The following MFSD12 variants were observed in gnomAD, a reference collection of about 807,000 sequenced individuals.
MFSD12 encodes major facilitator superfamily domain containing 12, also known as major facilitator superfamily domain-containing protein 12.
Under a neutral mutation model 51.2 loss-of-function variants are expected in MFSD12, and 67 were observed. That is an observed-to-expected ratio of 1.31 (90% CI 1.08 to 1.60). The LOEUF (loss-of-function observed/expected upper bound fraction) is 1.60, where lower values mean the gene tolerates loss of function less well. Ranked by LOEUF, MFSD12 falls within the 40% of genes most tolerant of loss-of-function variation. The probability of loss-of-function intolerance (pLI) is 0.00; values close to 1 mark genes in which losing one functional copy is unlikely to be tolerated. For missense variants in MFSD12, 921 were observed against 673.0 expected, an observed-to-expected ratio of 1.37 and a Z score of -4.08; for synonymous variants, 441 against 316.7, an observed-to-expected ratio of 1.39 and a Z score of -4.17.
downstream of MFSD12, chr19:3,543,385 C>T: frequency 6.5e-7 from 1 of 1,549,338 alleles, no homozygotes; most frequent in South Asian, 1.2e-5. Flanking sequence ...CCTGGTACAA[C>T]CTGCCACGGG....
rs2031170051 is a variant in MFSD12 at position 3,547,492 on chromosome 19, A to G, written c.893T>C (p.Met298Thr). ...RLIVNLSQTY[M>T]AMYLTYSLHL... ...GAGCGAGTAGGTGAGGTACATGGCC[A>G]TGTAGGTCTGGGACAGGTTCACGAT... Residue 298 changes from methionine to threonine, a missense_variant, in exon 5 of 10, where the codon ATG becomes ACG. Coordinates refer to ENST00000355415, the MANE Select transcript of MFSD12 (RefSeq NM_174983.5). 2 of 1,613,024 alleles carry G rather than the reference A, an allele frequency of 1.2e-6. No individual in the cohort carries two copies. Among genetic ancestry groups the G allele is most frequent in the Admixed American group, 1.7e-5 (1 of 59,974 alleles).
intron 1 of MFSD12, among the ~76,000 whole-genome samples, chr19:3,556,555 ACAGT>A (rs2031732264): frequency 6.7e-6 from 1 of 150,254 alleles, no homozygotes; most frequent in Non-Finnish European, 1.5e-5. Flanking sequence ...GAGGCACTGC[ACAGT>A]CAGACAGATG....
chr19:3,542,090 A>T (rs1334528316), downstream of MFSD12: 2 of 983,052 alleles, frequency 2.0e-6, no homozygotes, highest in Non-Finnish European at 2.4e-6. Context: ...GATTACAGGC[A>T]TGAGCCACTG....
At chr19:3,548,343 CAGAG>C (rs775935012) in intron 2 of MFSD12, 76 bp from the exon 3 acceptor site, 38 of 1,522,348 alleles carry the variant, frequency 2.5e-5, no homozygotes, top group African/African-American at 2.1e-4. Context: ...GCTACGCCGT[CAGAG>C]AGGCCTGGGG....
downstream of MFSD12, chr19:3,543,244 C>G: frequency 6.5e-7 from 1 of 1,544,648 alleles, no homozygotes; most frequent in Non-Finnish European, 8.7e-7. Flanking sequence ...GCGATGACTA[C>G]CTGTCCCTGG....
At chr19:3,546,893 G>A (rs2031105630) in intron 6 of MFSD12, among the ~76,000 whole-genome samples, 1 of 152,070 alleles carries the variant, frequency 6.6e-6, no homozygotes, top group Admixed American at 6.6e-5. Context: ...GAGTGCAGTG[G>A]TGTGATCTCA....
rs375703395 is a variant in MFSD12, at chr19:3,544,851, A to C, written c.1378T>G (p.Cys460Gly). 2.8e-4 allele frequency: 447 copies of C among 1,612,276 alleles called. 3 individuals carry two copies. The South Asian group carries it at 3.6e-3, about 13-fold the overall frequency. ...TGGVGVAAAL[C>G]LCSLLLWPTR... ...GGCCACAGCAGGAGGCTACAGAGAC[A>C]CAGGGCAGCGGCCACGCCCACGCCG... is the stretch of plus-strand genomic sequence containing the variant. The change falls in exon 9 of 10, where the codon TGT becomes GGT. Residue 460 changes from cysteine (C) to glycine (G), a missense_variant. Coordinates refer to ENST00000355415, the MANE Select transcript of MFSD12 (RefSeq NM_174983.5).
intron 1 of MFSD12, among the ~76,000 whole-genome samples, chr19:3,553,983 G>A (rs1316312541): frequency 6.6e-6 from 1 of 152,044 alleles, no homozygotes; most frequent in Non-Finnish European, 1.5e-5. Context: ...TCGGGAGGCT[G>A]AGGCAGGAGA....
In MFSD12 at chr19:3,544,692, G is replaced by A. The variant is rs1053964334; in HGVS notation, c.*18C>T. ...GTCCCCACAGTTCCCTTGCACAGGT[G>A]CAGGAGGCTGTCAGGAGTCAGGGCC... On this transcript the variant is annotated 3_prime_UTR_variant, in exon 10 of 10. Transcript: ENST00000355415. The A allele has an allele frequency of 1.9e-6, 3 of 1,593,424 alleles. No homozygotes were observed. Among genetic ancestry groups the A allele is most frequent in the South Asian group, 1.1e-5 (1 of 87,406 alleles).
In MFSD12 at chr19:3,546,376, A is replaced by T. The variant is rs751124891; in HGVS notation, c.1073T>A (p.Val358Glu). The part of the protein sequence containing the change: ...LLVILAFAAW[V>E]ALAEGLGVAV... ...CACACCCAGTCCCTCCGCCAGCGCC[A>T]CCCAGGCGGCAAAGGCCAGGATCAC... Residue 358 changes from valine (V) to glutamate (E), a missense_variant, in exon 7 of 10, where the codon GTG (valine) becomes GAG (glutamate). Coordinates refer to ENST00000355415, the MANE Select transcript of MFSD12 (RefSeq NM_174983.5). 23 of 1,608,354 alleles carry T rather than the reference A, an allele frequency of 1.4e-5. No individual in the cohort carries two copies. The highest frequency in any genetic ancestry group is 1.7e-5 in the Non-Finnish European group (20 of 1,178,110).
chr19:3,553,703 G>A (rs2031590878), intron 1 of MFSD12, among the ~76,000 whole-genome samples: 1 of 120,642 alleles, frequency 8.3e-6, no homozygotes, highest in South Asian at 2.7e-4. Flanking sequence ...CCGGGAGGCA[G>A]AGCTTGCAGT....
chr19:3,540,266 T>TG (rs1222319541), downstream of MFSD12, among the ~76,000 whole-genome samples: 6 of 118,100 alleles, frequency 5.1e-5, no homozygotes, highest in African/African-American at 3.5e-4. Flanking sequence ...CTAATTTTTG[T>TG]TTTTTTTTTT....
At position 3,548,218 on chromosome 19, in the gene MFSD12, G is replaced by C; in HGVS notation, c.559C>G (p.Leu187Val). The change falls in exon 3 of 10, where the codon CTC (leucine) becomes GTC (valine). Residue 187 changes from leucine (L) to valine (V), a missense_variant. Transcript: ENST00000355415. Reference protein sequence around the residue: ...ANITVYGAAWLLLHLQGSSRV... With the variant: ...ANITVYGAAWVLLHLQGSSRV... The stretch of plus-strand genomic sequence containing the variant: ...GACGAGCCCTGCAGGTGCAGCAGGA[G>C]CCAGGCGGCGCCGTAGACGGTGATG... 6.4e-7 allele frequency: 1 copy of C among 1,556,096 alleles called. No homozygotes were observed. Among genetic ancestry groups the C allele is most frequent in the Non-Finnish European group, 8.7e-7 (1 of 1,150,980 alleles).
In MFSD12 at chr19:3,547,307, G is replaced by T. The variant is rs1450929227; in HGVS notation, c.988C>A (p.Leu330Ile). 1.2e-6 allele frequency: 2 copies of T among 1,613,324 alleles called. No individual in the cohort carries two copies. The highest frequency in any genetic ancestry group is 2.2e-5 in the East Asian group (1 of 44,878). ...ATGCACTTGTTGATGGGCTTCATGA[G>T]GAAGGAGGACAAGAAGCCGCTGAGG... Reference protein sequence around the residue: ...MYLSGFLSSFLMKPINKCIGR... With the variant: ...MYLSGFLSSFIMKPINKCIGR... The change falls in exon 6 of 10, where the codon CTC becomes ATC. Residue 330 changes from leucine to isoleucine, a missense_variant. Transcript: ENST00000355415.
intron 8 of MFSD12, 149 bp from the exon 9 acceptor site, chr19:3,545,088 C>T (rs1006512783): frequency 4.7e-6 from 5 of 1,060,996 alleles, no homozygotes; most frequent in African/African-American, 3.2e-5. Context: ...CCTCCTGTCC[C>T]ACACCCAACA....
At chr19:3,539,083 T>C in intron 4 of MFSD12, 1 of 740,658 alleles carries the variant, frequency 1.4e-6, no homozygotes, top group Non-Finnish European at 2.3e-6. Flanking sequence ...GAGGAGGGAG[T>C]GGTCAGCGTG....
chr19:3,543,922 C>T (rs1388554520), downstream of MFSD12: 6 of 1,551,264 alleles, frequency 3.9e-6, no homozygotes, highest in African/African-American at 5.5e-5. Context: ...CCCGGCACCA[C>T]CCAGAACTAC....
downstream of MFSD12, chr19:3,543,593 C>G: frequency 1.3e-6 from 2 of 1,544,364 alleles, no homozygotes; most frequent in Non-Finnish European, 1.7e-6. Flanking sequence ...CTGGCATGAC[C>G]CCATCGTCCC....
chr19:3,538,454 C>T lies in MFSD12; in HGVS notation c.*308G>A. On this transcript the variant is annotated 3_prime_UTR_variant, in exon 5 of 5. Transcript: ENST00000398558. ...CACCTAGTCACCCCCAGGTCCCCCT[C>T]CCCAGTCCCGGCACCCACGAATCCT... is the stretch of plus-strand genomic sequence containing the variant. 4 of 320,722 alleles carry T rather than the reference C, an allele frequency of 1.2e-5. No individual in the cohort carries two copies. In the East Asian group the frequency reaches 3.6e-4, roughly 29 times the overall value. 19.9% of individuals were successfully genotyped at this position (320,722 alleles called of 1,614,324 possible).
Sources: gnomAD v4.1 joint callset for allele counts (sites outside exome capture counted in the v4.1 genomes callset) on GRCh38, gnomAD v4.1.1 for gene constraint, MANE v1.5 for transcripts, NCBI Gene and HGNC (gene_info 2026-07-23, HGNC 2026-07-21) for gene names.